TMEM232: variants seen among roughly 807,000 people sequenced by gnomAD.
TMEM232 encodes transmembrane protein 232.
In TMEM232, 80 loss-of-function variants were observed where a neutral mutation model predicts 78.8. The observed-to-expected ratio is 1.01, with a 90% CI of 0.85 to 1.22. TMEM232 has a LOEUF of 1.22. TMEM232 is among the 50% of genes most tolerant of loss of function. The probability of loss-of-function intolerance (pLI) is 0.00; values close to 1 mark genes in which losing one functional copy is unlikely to be tolerated. For missense variants in TMEM232, 881 were observed against 742.2 expected (o/e 1.19, Z -2.17); for synonymous variants, 297 against 254.3 (o/e 1.17, Z -1.60).
intron 12 of TMEM232, among the ~76,000 whole-genome samples, chr5:110,461,810 A>G (rs1417157619): frequency 4.6e-5 from 7 of 152,190 alleles, no homozygotes; most frequent in Non-Finnish European, 1.0e-4. Context: ...ATAGTTTAAC[A>G]AAGCCTAAAT....
chr5:110,443,264 T>C (rs1341799203), intron 12 of TMEM232, among the ~76,000 whole-genome samples: 1 of 152,158 alleles, frequency 6.6e-6, no homozygotes, highest in African/African-American at 2.4e-5. Context: ...GATGTTCTAT[T>C]CTACTGTGGC....
chr5:110,546,840 T>C (rs1292469998), intron 11 of TMEM232, among the ~76,000 whole-genome samples: 1 of 152,102 alleles, frequency 6.6e-6, no homozygotes, highest in Non-Finnish European at 1.5e-5. Flanking sequence ...ATATTATAAG[T>C]TGGTTTAAGG....
intron 1 of TMEM232, among the ~76,000 whole-genome samples, chr5:110,692,366 A>G (rs142725157): frequency 0.011 from 1,639 of 152,330 alleles, 17 homozygotes; most frequent in Admixed American, 0.014. Flanking sequence ...TACAGCTCCC[A>G]AAGTGAGCAA....
chr5:110,414,747 C>T (rs924808928), downstream of TMEM232, among the ~76,000 whole-genome samples: 43 of 152,072 alleles, frequency 2.8e-4, no homozygotes, highest in East Asian at 1.9e-4. Context: ...TGTTCCAATA[C>T]GGCATTTAGA....
chr5:110,679,176 C>G (rs897538373), intron 1 of TMEM232, among the ~76,000 whole-genome samples: 2 of 152,146 alleles, frequency 1.3e-5, no homozygotes, highest in East Asian at 3.9e-4. Context: ...TGTTCCATGT[C>G]CTTGCCCGGA....
chr5:110,587,691 A>ATGTGTGTGTG (rs147127408), intron 10 of TMEM232, among the ~76,000 whole-genome samples: 12 of 63,126 alleles, frequency 1.9e-4, no homozygotes, highest in Non-Finnish European at 2.5e-4. Flanking sequence ...ATATATATAT[A>ATGTGTGTGTG]TGTGTGTGTG....
At chr5:110,585,165 T>G (rs1304686531) in intron 10 of TMEM232, among the ~76,000 whole-genome samples, 1 of 152,142 alleles carries the variant, frequency 6.6e-6, no homozygotes, top group African/African-American at 2.4e-5. Flanking sequence ...GGATTGAAAG[T>G]TCCAGCGTGT....
intron 8 of TMEM232, among the ~76,000 whole-genome samples, chr5:110,609,386 A>C (rs1781902493): frequency 6.6e-6 from 1 of 152,106 alleles, no homozygotes; most frequent in Non-Finnish European, 1.5e-5. Context: ...GTAAAAGAAA[A>C]AACTTTTTTT....
chr5:110,485,396 C>T (rs1764353340), intron 12 of TMEM232, among the ~76,000 whole-genome samples: 1 of 151,994 alleles, frequency 6.6e-6, no homozygotes, highest in Admixed American at 6.6e-5. Context: ...TTGGTGCACC[C>T]ATCACCTGAG....
At chr5:110,503,031 A>G (rs1766444663) in intron 12 of TMEM232, among the ~76,000 whole-genome samples, 1 of 152,114 alleles carries the variant, frequency 6.6e-6, no homozygotes, top group East Asian at 1.9e-4. Flanking sequence ...AAAGTTGGGG[A>G]GCATATTTTT....
intron 12 of TMEM232, among the ~76,000 whole-genome samples, chr5:110,503,399 G>A (rs538735703): frequency 1.1e-4 from 16 of 152,136 alleles, no homozygotes; most frequent in African/African-American, 3.9e-4. Context: ...GGCAGGTTTG[G>A]GTGAGAGGAA....
intron 10 of TMEM232, among the ~76,000 whole-genome samples, chr5:110,598,401 A>G (rs1196999595): frequency 6.6e-6 from 1 of 152,150 alleles, no homozygotes. Flanking sequence ...GAACGCTTTT[A>G]CACTGTTGGT....
At chr5:110,418,457 T>C (rs1354929018), downstream of TMEM232, among the ~76,000 whole-genome samples, 1 of 152,092 alleles carries the variant, frequency 6.6e-6, no homozygotes, top group East Asian at 1.9e-4. Context: ...GAGAAATGCA[T>C]GTTGCCAAAT....
At chr5:110,717,031 T>C (rs540789118) in intron 1 of TMEM232, among the ~76,000 whole-genome samples, 2 of 152,254 alleles carry the variant, frequency 1.3e-5, no homozygotes, top group Admixed American at 6.5e-5. Flanking sequence ...TCTAGACTAG[T>C]TGAAAGACCA....
intron 11 of TMEM232, among the ~76,000 whole-genome samples, chr5:110,530,169 T>C (rs1221042645): frequency 5.3e-5 from 8 of 152,098 alleles, no homozygotes; most frequent in Non-Finnish European, 1.2e-4. Context: ...GACAAAAGTA[T>C]AGTAGAGAAA....
intron 2 of TMEM232, among the ~76,000 whole-genome samples, chr5:110,403,528 C>T (rs1755680931): frequency 6.6e-6 from 1 of 152,008 alleles, no homozygotes; most frequent in African/African-American, 2.4e-5. Context: ...ATTCATAGCT[C>T]AGAAGATTTT....
chr5:110,600,833 G>T (rs770941409), intron 10 of TMEM232, among the ~76,000 whole-genome samples: 14 of 152,080 alleles, frequency 9.2e-5, no homozygotes, highest in Non-Finnish European at 1.3e-4. Flanking sequence ...CATCCTGATA[G>T]CAAAACTTGG....
chr5:110,657,980 C>T (rs150529399), intron 2 of TMEM232, among the ~76,000 whole-genome samples: 18 of 152,160 alleles, frequency 1.2e-4, no homozygotes, highest in African/African-American at 4.3e-4. Flanking sequence ...TCCTAAGTAT[C>T]AGAAGTACCA....
chr5:110,483,020 A>G (rs1221629865), intron 12 of TMEM232, among the ~76,000 whole-genome samples: 2 of 152,186 alleles, frequency 1.3e-5, no homozygotes, highest in African/African-American at 4.8e-5. Context: ...GTACTACATA[A>G]GTATAAAAGT....
Sources: gnomAD v4.1 joint callset for allele counts (sites outside exome capture counted in the v4.1 genomes callset) on GRCh38, gnomAD v4.1.1 for gene constraint, MANE v1.5 for transcripts, NCBI Gene and HGNC (gene_info 2026-07-23, HGNC 2026-07-21) for gene names.